Variants in CLEC16A observed in about 807,000 individuals in gnomAD.
CLEC16A encodes C-type lectin domain containing 16A.
CLEC16A carries 51 observed loss-of-function variants against 109.5 expected under a neutral mutation model. The ratio of observed to expected loss-of-function variants is 0.47; its 90% CI spans 0.37 to 0.59. The LOEUF is 0.59. Ranked by LOEUF, CLEC16A falls within the 20% of genes least tolerant of loss-of-function variation. The pLI, the probability that CLEC16A is intolerant of heterozygous loss-of-function variation, is 0.00. For missense variants in CLEC16A, 1,339 were observed against 1,394.0 expected, an observed-to-expected ratio of 0.96 and a Z score of 0.63; for synonymous variants, 673 against 564.2, an observed-to-expected ratio of 1.19 and a Z score of -2.73.
At chr16:11,106,811 G>T (rs575894909) in intron 19 of CLEC16A, among the ~76,000 whole-genome samples, 1 of 152,084 alleles carries the variant, frequency 6.6e-6, no homozygotes, top group Non-Finnish European at 1.5e-5. Context: ...ATTACCCCCC[G>T]CCTATAGATG....
intron 19 of CLEC16A, among the ~76,000 whole-genome samples, chr16:11,109,819 G>A (rs1050444449): frequency 7.2e-5 from 11 of 152,138 alleles, no homozygotes; most frequent in East Asian, 3.9e-4. Flanking sequence ...TTAACCACAC[G>A]TGCTTGAAAG....
At chr16:11,093,415 C>T (rs1013646291) in intron 19 of CLEC16A, among the ~76,000 whole-genome samples, 1 of 152,200 alleles carries the variant, frequency 6.6e-6, no homozygotes, top group East Asian at 1.9e-4. Flanking sequence ...GCTGACACTT[C>T]CTGTGGCACT....
At chr16:11,002,101 C>G (rs1422521244) in intron 10 of CLEC16A, among the ~76,000 whole-genome samples, 2 of 152,184 alleles carry the variant, frequency 1.3e-5, no homozygotes, top group Admixed American at 6.5e-5. Flanking sequence ...GTTTTGAATC[C>G]CGGCTCTGCC....
chr16:11,166,274 A>T, intron 22 of CLEC16A, 114 bp from the exon 23 acceptor site: 6 of 1,197,110 alleles, frequency 5.0e-6, no homozygotes, highest in Non-Finnish European at 6.8e-6. Flanking sequence ...TGTTCCAGGG[A>T]ACAGAGCAGG....
chr16:11,126,154 A>G lies in CLEC16A; in HGVS notation c.2641+8A>G. ...CGGTGGACAAGGTGCCAGGTGAGCC[A>G]GCCCCCCGCCCTGCGCCACAGCTCG... On this transcript the variant is annotated splice_region_variant and intron_variant, in intron 22 of 23. Transcript: ENST00000409790. 2 of 1,613,508 alleles carry G rather than the reference A, an allele frequency of 1.2e-6. No homozygotes were observed. The highest frequency in any genetic ancestry group is 1.7e-6 in the Non-Finnish European group (2 of 1,179,822).
intron 22 of CLEC16A, among the ~76,000 whole-genome samples, chr16:11,163,617 C>G (rs951155105): frequency 6.6e-6 from 1 of 152,212 alleles, no homozygotes; most frequent in Non-Finnish European, 1.5e-5. Flanking sequence ...ATCTGCTACC[C>G]TACATGTCCC....
chr16:11,050,305 A>G (rs2047871049), intron 17 of CLEC16A, among the ~76,000 whole-genome samples: 1 of 152,248 alleles, frequency 6.6e-6, no homozygotes, highest in Non-Finnish European at 1.5e-5. Context: ...ACTGGGGATT[A>G]AGTTTCCAAC....
chr16:11,163,944 T>C (rs964060533), intron 22 of CLEC16A, among the ~76,000 whole-genome samples: 1 of 151,904 alleles, frequency 6.6e-6, no homozygotes, highest in Non-Finnish European at 1.5e-5. Flanking sequence ...AACTGGGGGG[T>C]TTACCGCTCT....
Position 11,178,051 on chromosome 16 carries a change from C to T in CLEC16A, c.2807-284C>T, listed in dbSNP as rs545554176. 7.1e-4 allele frequency among the ~76,000 whole-genome samples: 108 copies of T among 152,308 alleles called. No individual in the cohort carries two copies. Among genetic ancestry groups the T allele is most frequent in the African/African-American group, 2.6e-3 (107 of 41,580 alleles). ...TCTCTGCACCCAGGAACTGTGCTTT[C>T]ATAAGCCACATGCTGATTTTGCACA... On this transcript the variant is annotated intron_variant, in intron 23 of 23. Transcript: ENST00000409790. This position sits in a 1 kb window ranked among gnomAD's most constrained non-coding sequence, Gnocchi z 6.5.
intron 22 of CLEC16A, among the ~76,000 whole-genome samples, chr16:11,160,223 G>A (rs914101149): frequency 3.9e-5 from 6 of 152,102 alleles, no homozygotes; most frequent in Admixed American, 1.3e-4. Context: ...CACAGAGGTC[G>A]GGGGGCGTCC....
intron 13 of CLEC16A, among the ~76,000 whole-genome samples, chr16:11,033,860 C>G (rs989179643): frequency 2.0e-5 from 3 of 152,206 alleles, no homozygotes; most frequent in African/African-American, 7.2e-5. Context: ...ATAATGAATT[C>G]TGGTTTGTTT....
chr16:11,120,990 C>T (rs567775886), intron 20 of CLEC16A, among the ~76,000 whole-genome samples: 1 of 152,270 alleles, frequency 6.6e-6, no homozygotes, highest in South Asian at 2.1e-4. Context: ...ATTCTTACAC[C>T]TCCCCTCCAC....
chr16:11,168,276 C>T (rs980487382), intron 23 of CLEC16A, among the ~76,000 whole-genome samples: 1 of 152,156 alleles, frequency 6.6e-6, no homozygotes, highest in Non-Finnish European at 1.5e-5. Flanking sequence ...CTGTCCCTAC[C>T]CCCACCATCC....
At chr16:11,036,178 C>T (rs1316904028) in intron 13 of CLEC16A, 1 of 152,462 alleles carries the variant, frequency 6.6e-6, no homozygotes, top group East Asian at 1.9e-4. Flanking sequence ...CAGGGCACAA[C>T]CAGATTATGT....
chr16:11,010,841 A>G (rs1387997254), intron 11 of CLEC16A, among the ~76,000 whole-genome samples: 1 of 152,030 alleles, frequency 6.6e-6, no homozygotes, highest in Admixed American at 6.5e-5. Context: ...CTTTTGCGAC[A>G]TTGACTTTTT....
intron 22 of CLEC16A, among the ~76,000 whole-genome samples, chr16:11,140,007 A>G (rs995453902): frequency 2.0e-5 from 3 of 152,240 alleles, no homozygotes; most frequent in Admixed American, 6.5e-5. Flanking sequence ...TCAGAAAGCA[A>G]GGTCCCCTGC....
At chr16:11,147,491 G>T (rs1011118251) in intron 22 of CLEC16A, among the ~76,000 whole-genome samples, 110 of 152,354 alleles carry the variant, frequency 7.2e-4, no homozygotes, top group African/African-American at 2.5e-3. Context: ...TGAAGGCGAG[G>T]TTCCAGGTTG....
intron 19 of CLEC16A, among the ~76,000 whole-genome samples, chr16:11,119,678 C>T (rs777902147): frequency 5.3e-5 from 8 of 152,180 alleles, no homozygotes; most frequent in Non-Finnish European, 1.0e-4. Context: ...AGGTGTGAGC[C>T]ATCACACCTG....
In CLEC16A at chr16:11,051,656, G is replaced by T. The variant is rs2152882080; in HGVS notation, c.1995+15G>T. On this transcript the variant is annotated intron_variant, in intron 18 of 23. Coordinates refer to ENST00000409790, the MANE Select transcript of CLEC16A (RefSeq NM_015226.3). ...AGACCCGGCGGGTGAGTGAGCACAG[G>T]ACCTGTCATCTCCTGGGCCACTGTT... 2 of 1,611,412 alleles carry T rather than the reference G, an allele frequency of 1.2e-6. No homozygotes were observed. Among genetic ancestry groups the T allele is most frequent in the African/African-American group, 2.7e-5 (2 of 75,032 alleles).
Sources: allele counts gnomAD v4.1 joint callset (sites outside exome capture counted in the v4.1 genomes callset), GRCh38; gene constraint gnomAD v4.1.1; non-coding constraint Gnocchi (gnomAD v3.1); transcripts MANE v1.5; gene names NCBI Gene and HGNC (gene_info 2026-07-23, HGNC 2026-07-21).